Variants in PREPL observed in about 807,000 individuals in gnomAD.
PREPL encodes prolyl endopeptidase like, also known as prolyl endopeptidase-like.
In PREPL, 77 loss-of-function variants were observed where a neutral mutation model predicts 70.6. That is an observed-to-expected ratio of 1.09 (90% CI 0.91 to 1.32). PREPL has a LOEUF of 1.32. Among genes scored for constraint, PREPL ranks in the 40% most tolerant of loss-of-function variants. The pLI, the probability that PREPL is intolerant of heterozygous loss-of-function variation, is 0.00. For missense variants in PREPL, 1,002 were observed against 778.2 expected, an observed-to-expected ratio of 1.29 and a Z score of -3.42; for synonymous variants, 315 against 264.8, an observed-to-expected ratio of 1.19 and a Z score of -1.84.
chr2:44,356,453 G>C (rs1018450435), intron 1 of PREPL: 1 of 152,384 alleles, frequency 6.6e-6, no homozygotes, highest in Non-Finnish European at 1.5e-5. Flanking sequence ...GCTGAGGCAG[G>C]AGAATTGCCT....
intron 1 of PREPL, chr2:44,359,442 T>G: frequency 1.5e-6 from 2 of 1,309,914 alleles, no homozygotes; most frequent in Non-Finnish European, 2.1e-6. Context: ...TCTTTATTTT[T>G]AAATTAAAAT....
chr2:44,328,103 T>C (rs1025179726), intron 9 of PREPL, among the ~76,000 whole-genome samples: 2 of 151,560 alleles, frequency 1.3e-5, no homozygotes, highest in African/African-American at 4.8e-5. Flanking sequence ...CTGGCCAACA[T>C]GGTGAAACCC....
At chr2:44,338,255 G>A (rs181646892) in intron 7 of PREPL, 96 bp downstream of exon 7, 1 of 1,163,736 alleles carries the variant, frequency 8.6e-7, no homozygotes, top group Admixed American at 2.9e-5. Context: ...TCAAGAAAAA[G>A]AACACTGCTG....
chr2:44,336,706 AAAT>A (rs530945745), intron 7 of PREPL, among the ~76,000 whole-genome samples: 9 of 152,300 alleles, frequency 5.9e-5, no homozygotes, highest in East Asian at 1.9e-4. Flanking sequence ...ATGCTATCTA[AAAT>A]AATAATATTA....
chr2:44,317,768 G>C lies in PREPL; in HGVS notation c.*3588C>G, dbSNP rs1672549265. ...AGTCAATCCAACAAAAAGCTTAATA[G>C]AAAAAAACCCTAAACAATAGTATAA... On this transcript the variant is annotated 3_prime_UTR_variant, in exon 14 of 14. Coordinates refer to ENST00000409411, the MANE Select transcript of PREPL (RefSeq NM_001171613.2). 1 of 152,250 alleles carries C rather than the reference G, an allele frequency of 6.6e-6. No individual in the cohort carries two copies. Among genetic ancestry groups the C allele is most frequent in the Non-Finnish European group, 1.5e-5 (1 of 68,316 alleles). 9.4% of individuals were successfully genotyped at this position (152,250 alleles called of 1,614,324 possible). A position where few individuals can be genotyped will look rare whatever the true frequency, so the allele number is the denominator to read the frequency against.
At chr2:44,346,674 G>C (rs1421793991) in intron 1 of PREPL, among the ~76,000 whole-genome samples, 1 of 152,056 alleles carries the variant, frequency 6.6e-6, no homozygotes, top group African/African-American at 2.4e-5. Context: ...AAGCTCAGAA[G>C]AATGTTCAGA....
chr2:44,346,144 A>G, intron 2 of PREPL, 124 bp downstream of exon 2: 2 of 837,868 alleles, frequency 2.4e-6, no homozygotes, highest in South Asian at 4.0e-5. Flanking sequence ...GTTTTTCAGC[A>G]TATTTTAAAG....
intron 7 of PREPL, among the ~76,000 whole-genome samples, chr2:44,332,981 A>C (rs149128247): frequency 0.014 from 2,098 of 152,318 alleles, 39 homozygotes; most frequent in African/African-American, 0.046. Context: ...GAAGAATAAG[A>C]GCAAATCAAA....
At chr2:44,336,270 C>A in intron 7 of PREPL, among the ~76,000 whole-genome samples, 1 of 152,046 alleles carries the variant, frequency 6.6e-6, no homozygotes, top group East Asian at 1.9e-4. Flanking sequence ...ATCACAATAG[C>A]AAAGACATGG....
Position 44,319,469 on chromosome 2 carries a change from T to C in PREPL, c.*1887A>G, listed in dbSNP as rs1164648143. ...GCATGGCTGAGTATGGTACAACCGT[T>C]CAACAGAATATTGTCATTAAAAACA... On this transcript the variant is annotated 3_prime_UTR_variant, in exon 14 of 14. Transcript: ENST00000409411. 6.6e-6 allele frequency: 1 copy of C among 152,246 alleles called. No homozygotes were observed. Among genetic ancestry groups the C allele is most frequent in the Non-Finnish European group, 1.5e-5 (1 of 68,012 alleles). 9.4% of individuals were successfully genotyped at this position (152,246 alleles called of 1,614,324 possible). A position where few individuals can be genotyped will look rare whatever the true frequency, so the allele number is the denominator to read the frequency against.
At position 44,317,778 on chromosome 2, in the gene PREPL, C is replaced by G. The variant is rs1327373286; in HGVS notation, c.*3578G>C. On this transcript the variant is annotated 3_prime_UTR_variant, in exon 14 of 14. Coordinates refer to ENST00000409411, the MANE Select transcript of PREPL (RefSeq NM_001171613.2). ...ACAAAAAGCTTAATAGAAAAAAACCCTAAACAATAGTATAACTACAAATAA... is the reference window on the plus strand; with the variant it reads ...ACAAAAAGCTTAATAGAAAAAAACCGTAAACAATAGTATAACTACAAATAA... 6.6e-6 allele frequency: 1 copy of G among 152,492 alleles called. No individual in the cohort carries two copies. The highest frequency in any genetic ancestry group is 1.5e-5 in the Non-Finnish European group (1 of 68,556). 9.4% of individuals were successfully genotyped at this position (152,492 alleles called of 1,614,324 possible). A position where few individuals can be genotyped will look rare whatever the true frequency, so the allele number is the denominator to read the frequency against.
chr2:44,334,982 ACTGT>A (rs763288874), intron 7 of PREPL, among the ~76,000 whole-genome samples: 7 of 152,206 alleles, frequency 4.6e-5, no homozygotes, highest in South Asian at 4.1e-4. Flanking sequence ...TATGGATGGC[ACTGT>A]CTATGTATAT....
In PREPL at chr2:44,338,412, T is replaced by A; in HGVS notation, c.827A>T (p.His276Leu). Residue 276 changes from histidine (H) to leucine (L), a missense_variant, in exon 7 of 14, where the codon CAC (histidine) becomes CTC (leucine). Coordinates refer to ENST00000409411, the MANE Select transcript of PREPL (RefSeq NM_001171613.2). ...FKDHCVLFLK[H>L]SNLLYVNVIG... ...CACATTAACATAAAGGAGATTGCTG[T>A]GCTTCAGAAATAGAACACAGTGATC... 6.2e-7 allele frequency: 1 copy of A among 1,613,738 alleles called. No individual in the cohort carries two copies. The highest frequency in any genetic ancestry group is 2.2e-5 in the East Asian group (1 of 44,878).
At position 44,318,066 on chromosome 2, in the gene PREPL, C is replaced by G; in HGVS notation, c.*3290G>C. On this transcript the variant is annotated 3_prime_UTR_variant, in exon 14 of 14. Transcript: ENST00000409411. Reference sequence around the variant, plus strand: ...ATACTTAGAAATATTTGCACATGTGCACAATAATACTTAAAGGATCTCAAC... The same window carrying G: ...ATACTTAGAAATATTTGCACATGTGGACAATAATACTTAAAGGATCTCAAC... 1 of 433,016 alleles carries G rather than the reference C, an allele frequency of 2.3e-6. No homozygotes were observed. Among genetic ancestry groups the G allele is most frequent in the South Asian group, 1.6e-5 (1 of 61,498 alleles). 26.8% of individuals were successfully genotyped at this position (433,016 alleles called of 1,614,324 possible).
Position 44,343,812 on chromosome 2 carries a change from G to A in PREPL, c.282C>T (p.Thr94=), listed in dbSNP as rs200854824. The change falls in exon 4 of 14, where the codon ACC becomes ACT. Residue 94 remains threonine (T), a synonymous_variant. Coordinates refer to ENST00000409411, the MANE Select transcript of PREPL (RefSeq NM_001171613.2). The stretch of plus-strand genomic sequence containing the variant: ...GATCGCTGAGCTTTATAATTACACA[G>A]GTAGATGCTTCAGAATCTTCAGTTC... ...KIRTEDSEAS[T]CVIIKLSDQP... is the part of the protein sequence containing the mutation. 1.9e-6 allele frequency: 3 copies of A among 1,613,962 alleles called. No individual in the cohort carries two copies. Among genetic ancestry groups the A allele is most frequent in the Non-Finnish European group, 1.7e-6 (2 of 1,179,850 alleles).
At chr2:44,356,691 A>C (rs1558523014) in intron 1 of PREPL, among the ~76,000 whole-genome samples, 1 of 152,236 alleles carries the variant, frequency 6.6e-6, no homozygotes, top group Non-Finnish European at 1.5e-5. Flanking sequence ...GCAGAAGTTG[A>C]TACTGAAGAG....
At chr2:44,342,586 C>T in intron 4 of PREPL, 34 bp from the exon 5 acceptor site, 1 of 1,351,486 alleles carries the variant, frequency 7.4e-7, no homozygotes, top group Non-Finnish European at 1.0e-6. Flanking sequence ...TATACATAAT[C>T]ACCTACACTC....
Position 44,320,442 on chromosome 2 carries a change from A to C in PREPL, c.*914T>G. On this transcript the variant is annotated 3_prime_UTR_variant, in exon 14 of 14. Coordinates refer to ENST00000409411, the MANE Select transcript of PREPL (RefSeq NM_001171613.2). ...GGGCCTTCCCGCTAAAATGAGAATAAGGTTAAGTACCAATTCTGCCGACAA... is the reference window on the plus strand; with the variant it reads ...GGGCCTTCCCGCTAAAATGAGAATACGGTTAAGTACCAATTCTGCCGACAA... The C allele has an allele frequency of 6.2e-7, 1 of 1,614,120 alleles. No homozygotes were observed. The highest frequency in any genetic ancestry group is 8.5e-7 in the Non-Finnish European group (1 of 1,179,962).
chr2:44,349,917 TAA>T (rs772944564), intron 1 of PREPL, among the ~76,000 whole-genome samples: 4 of 152,200 alleles, frequency 2.6e-5, no homozygotes, highest in Non-Finnish European at 4.4e-5. Flanking sequence ...AAAAGCTATA[TAA>T]GTCACTAACT....
Sources: gnomAD v4.1 joint callset for allele counts (sites outside exome capture counted in the v4.1 genomes callset) on GRCh38, gnomAD v4.1.1 for gene constraint, MANE v1.5 for transcripts, NCBI Gene and HGNC (gene_info 2026-07-23, HGNC 2026-07-21) for gene names.